The following PDE4D variants were observed in gnomAD, a reference collection of about 807,000 sequenced individuals.
PDE4D encodes the protein 3',5'-cyclic-AMP phosphodiesterase 4D.
Under a neutral mutation model 87.4 loss-of-function variants are expected in PDE4D, and 24 were observed. That is an observed-to-expected ratio of 0.27 (90% confidence interval 0.20 to 0.39). The LOEUF (loss-of-function observed/expected upper bound fraction) is 0.39, where lower values mean the gene tolerates loss of function less well. Ranked by LOEUF, PDE4D falls within the 10% of genes least tolerant of loss-of-function variation. The pLI, the probability that PDE4D is intolerant of heterozygous loss-of-function variation, is 1.00. For synonymous variants in PDE4D, 384 were observed against 383.2 expected (o/e 1.00, Z -0.02); for missense variants, 714 against 1,041.0 (o/e 0.69, Z 4.32).
chr5:59,646,449 A>T (rs1742461421), intron 1 of PDE4D, among the ~76,000 whole-genome samples: 1 of 152,254 alleles, frequency 6.6e-6, no homozygotes, highest in African/African-American at 2.4e-5. Flanking sequence ...CCTATGACCA[A>T]TAAATTAATC....
intron 1 of PDE4D, among the ~76,000 whole-genome samples, chr5:59,339,914 T>C (rs1290945046): frequency 6.6e-6 from 1 of 152,150 alleles, no homozygotes; most frequent in Non-Finnish European, 1.5e-5. Flanking sequence ...TAGAAAAATT[T>C]AGTGGGTTTT....
chr5:60,394,889 G>A (rs1032122991), intron 1 of PDE4D, among the ~76,000 whole-genome samples: 1 of 152,088 alleles, frequency 6.6e-6, no homozygotes, highest in Non-Finnish European at 1.5e-5. Context: ...TCTTGCTCCG[G>A]TACAAACATT....
intron 1 of PDE4D, among the ~76,000 whole-genome samples, chr5:60,426,584 G>A (rs1390273339): frequency 1.3e-5 from 2 of 152,164 alleles, no homozygotes; most frequent in Non-Finnish European, 2.9e-5. Context: ...TAATGTAAAT[G>A]ATGAGTTGAT....
intron 1 of PDE4D, among the ~76,000 whole-genome samples, chr5:59,843,764 T>G (rs1743411464): frequency 6.6e-6 from 1 of 152,020 alleles, no homozygotes; most frequent in African/African-American, 2.4e-5. Flanking sequence ...ACTGGGTGCT[T>G]GGGAAGGAGA....
intron 1 of PDE4D, among the ~76,000 whole-genome samples, chr5:59,833,209 G>A (rs1176062521): frequency 6.6e-6 from 1 of 152,058 alleles, no homozygotes; most frequent in East Asian, 1.9e-4. Flanking sequence ...CGTGGCTCCG[G>A]TGATGAATGG....
chr5:60,158,274 T>C (rs950218233), intron 2 of PDE4D, among the ~76,000 whole-genome samples: 2 of 152,238 alleles, frequency 1.3e-5, no homozygotes, highest in African/African-American at 4.8e-5. Context: ...CTGTTTCTCC[T>C]AGGCTATAAA....
At chr5:60,252,162 A>T (rs1218878541) in intron 1 of PDE4D, among the ~76,000 whole-genome samples, 1 of 151,936 alleles carries the variant, frequency 6.6e-6, no homozygotes, top group Non-Finnish European at 1.5e-5. Flanking sequence ...GCACAATGAC[A>T]AAATTGCCTA....
At chr5:59,379,032 G>A (rs1785256515) in intron 1 of PDE4D, among the ~76,000 whole-genome samples, 2 of 151,890 alleles carry the variant, frequency 1.3e-5, no homozygotes, top group African/African-American at 2.4e-5. Context: ...ACAGTCCAGG[G>A]AGCTTACAGG....
chr5:59,078,041 T>C (rs1021848318), intron 5 of PDE4D, among the ~76,000 whole-genome samples: 3 of 152,290 alleles, frequency 2.0e-5, no homozygotes, highest in Non-Finnish European at 2.9e-5. Flanking sequence ...ACTGATTCCA[T>C]CCCCTTTAAT....
At chr5:59,403,905 T>C (rs1296771681) in intron 1 of PDE4D, among the ~76,000 whole-genome samples, 1 of 152,226 alleles carries the variant, frequency 6.6e-6, no homozygotes, top group Non-Finnish European at 1.5e-5. Context: ...GTTGTACTAA[T>C]TTACATTCCC....
At chr5:60,088,271 G>GA (rs970574732) in intron 2 of PDE4D, among the ~76,000 whole-genome samples, 12 of 144,554 alleles carry the variant, frequency 8.3e-5, no homozygotes, top group East Asian at 2.0e-4. Context: ...TCTTCAATCT[G>GA]AAAAAAAAAT....
intron 5 of PDE4D, among the ~76,000 whole-genome samples, chr5:59,113,483 G>A (rs1773036452): frequency 6.6e-6 from 1 of 152,090 alleles, no homozygotes; most frequent in African/African-American, 2.4e-5. Flanking sequence ...AATAATCACC[G>A]ACATGAATGA....
chr5:59,425,495 A>C (rs1795060633), intron 1 of PDE4D, among the ~76,000 whole-genome samples: 1 of 152,164 alleles, frequency 6.6e-6, no homozygotes, highest in Non-Finnish European at 1.5e-5. Flanking sequence ...GACATTGCCA[A>C]ATGTCCCCTG....
At chr5:60,241,274 T>C (rs1176454992) in intron 1 of PDE4D, among the ~76,000 whole-genome samples, 17 of 134,714 alleles carry the variant, frequency 1.3e-4, no homozygotes, top group African/African-American at 2.5e-4. Flanking sequence ...TCTCTCTCTT[T>C]TTTTTTTTTT....
intron 1 of PDE4D, among the ~76,000 whole-genome samples, chr5:59,630,691 G>A (rs1831454822): frequency 6.6e-6 from 1 of 152,146 alleles, no homozygotes; most frequent in South Asian, 2.1e-4. Flanking sequence ...TGCTTGATGA[G>A]TGACAAGGTC....
rs542930534 is a variant in PDE4D, at chr5:59,490,365, C to T, written c.456-274397G>A. Among the ~76,000 whole-genome samples the T allele has an allele frequency of 1.4e-4, 22 of 152,252 alleles. No homozygotes were observed. In the South Asian group the frequency reaches 4.6e-3, roughly 32 times the overall value. On this transcript the variant is annotated intron_variant, in intron 1 of 14. Coordinates refer to ENST00000340635, the MANE Select transcript of PDE4D (RefSeq NM_001104631.2). ...ATAAGTACTAAGTAGCTTCTTTATA[C>T]TAATTGCTCAGTCAAATGCTTTCAT...
intron 1 of PDE4D, among the ~76,000 whole-genome samples, chr5:59,677,562 T>C (rs1748306447): frequency 6.6e-6 from 1 of 152,198 alleles, no homozygotes; most frequent in Non-Finnish European, 1.5e-5. Flanking sequence ...TCATAAGTTA[T>C]AAAGCTCAGT....
At chr5:60,251,123 T>C (rs1225040063) in intron 1 of PDE4D, among the ~76,000 whole-genome samples, 1 of 152,002 alleles carries the variant, frequency 6.6e-6, no homozygotes, top group African/African-American at 2.4e-5. Context: ...TACAGCTATA[T>C]GGTGCTTTAC....
At chr5:60,008,995 C>A (rs952420612) in intron 2 of PDE4D, among the ~76,000 whole-genome samples, 10 of 151,928 alleles carry the variant, frequency 6.6e-5, no homozygotes, top group Non-Finnish European at 1.3e-4. Context: ...ATTAATACCA[C>A]CCTCAAAATT....
Sources: gnomAD v4.1 joint callset for allele counts (sites outside exome capture counted in the v4.1 genomes callset) on GRCh38, gnomAD v4.1.1 for gene constraint, MANE v1.5 for transcripts, NCBI Gene and HGNC (gene_info 2026-07-23, HGNC 2026-07-21) for gene names.